The following ZC3H8 variants were observed in gnomAD, a reference collection of about 807,000 sequenced individuals.
ZC3H8 encodes zinc finger CCCH-type containing 8.
A neutral mutation model predicts 42.5 loss-of-function variants in ZC3H8; 27 were observed. The ratio of observed to expected loss-of-function variants is 0.64; its 90% CI spans 0.47 to 0.88. The LOEUF (loss-of-function observed/expected upper bound fraction) is 0.88, where lower values mean the gene tolerates loss of function less well. Ranked by LOEUF, ZC3H8 falls within the 40% of genes least tolerant of loss-of-function variation. The pLI is 0.00. For synonymous variants in ZC3H8, 101 were observed against 110.1 expected, an observed-to-expected ratio of 0.92 and a Z score of 0.52; for missense variants, 277 against 336.1, an observed-to-expected ratio of 0.82 and a Z score of 1.37.
chr2:112,254,621 G>A (rs1338475802), intron 1 of ZC3H8, among the ~76,000 whole-genome samples: 1 of 152,212 alleles, frequency 6.6e-6, no homozygotes, highest in Non-Finnish European at 1.5e-5. Flanking sequence ...CAGAGAAAGG[G>A]GCGCATCCCG....
intron 5 of ZC3H8, 125 bp from the exon 6 acceptor site, chr2:112,233,496 C>T (rs1016317887): frequency 1.5e-6 from 1 of 654,630 alleles, no homozygotes; most frequent in Non-Finnish European, 2.7e-6. Flanking sequence ...AGAGGTAGCA[C>T]ATTCTAACTG....
chr2:112,236,840 A>C (rs1404569804), intron 3 of ZC3H8, 145 bp from the exon 4 acceptor site: 3 of 765,460 alleles, frequency 3.9e-6, no homozygotes, highest in Non-Finnish European at 4.1e-6. Flanking sequence ...CAAAGCTAGG[A>C]GTTCAAGGCC....
chr2:112,216,712 CAA>C (rs917360892), intron 8 of ZC3H8, among the ~76,000 whole-genome samples: 32 of 142,804 alleles, frequency 2.2e-4, no homozygotes, highest in Non-Finnish European at 1.8e-4. Flanking sequence ...AATAATGAGA[CAA>C]GAGTTGACTA....
At chr2:112,250,379 G>T (rs1685905847) in intron 1 of ZC3H8, 107 bp from the exon 2 acceptor site, 2 of 665,622 alleles carry the variant, frequency 3.0e-6, no homozygotes, top group East Asian at 3.3e-5. Context: ...TACCCTCAAA[G>T]AAATTACAAA....
intron 6 of ZC3H8, 27 bp downstream of exon 6, chr2:112,233,233 G>GAA: frequency 7.0e-7 from 1 of 1,435,144 alleles, no homozygotes; most frequent in Non-Finnish European, 9.5e-7. Context: ...TATTTATAAA[G>GAA]TCACCATATC....
chr2:112,244,242 T>C (rs1044608225), intron 2 of ZC3H8, among the ~76,000 whole-genome samples: 3 of 152,132 alleles, frequency 2.0e-5, no homozygotes, highest in Non-Finnish European at 4.4e-5. Flanking sequence ...CACTGGATAG[T>C]AGAAGACAAT....
At chr2:112,235,537 T>C (rs189329875) in intron 4 of ZC3H8, among the ~76,000 whole-genome samples, 110 of 152,238 alleles carry the variant, frequency 7.2e-4, no homozygotes, top group Middle Eastern at 3.4e-3. Flanking sequence ...AGACTGTATA[T>C]AAATGTTTTT....
intron 8 of ZC3H8, among the ~76,000 whole-genome samples, chr2:112,227,755 TAAC>T (rs1684908261): frequency 6.6e-6 from 1 of 151,958 alleles, no homozygotes; most frequent in Admixed American, 6.6e-5. Flanking sequence ...ACGAATAAAT[TAAC>T]AAAAAAGTGT....
rs1376935577 is a variant in ZC3H8 at position 112,213,359 on chromosome 2, C to G, written c.*3125G>C. On this transcript the variant is annotated 3_prime_UTR_variant, in exon 9 of 9. Transcript: ENST00000409573. ...GACAATTATGCTGAAACTCAGGAAACCTATTAAAACAGGGGACAGTCATTT... is the reference window on the plus strand; with the variant it reads ...GACAATTATGCTGAAACTCAGGAAAGCTATTAAAACAGGGGACAGTCATTT... The G allele has an allele frequency of 6.6e-6, 1 of 151,898 alleles. No homozygotes were observed. The highest frequency in any genetic ancestry group is 6.6e-5 in the Admixed American group (1 of 15,252). 9.4% of individuals were successfully genotyped at this position (151,898 alleles called of 1,614,324 possible).
In ZC3H8 at chr2:112,233,318, C is replaced by T. The variant is rs1367487643; in HGVS notation, c.675G>A (p.Met225Ile). The T allele has an allele frequency of 6.2e-7, 1 of 1,601,236 alleles. No individual in the cohort carries two copies. Among genetic ancestry groups the T allele is most frequent in the Admixed American group, 1.7e-5 (1 of 57,766 alleles). ...HDAEIEKKKE[M>I]CKFYVQGYCT... Reference sequence around the variant, plus strand: ...AATATCCTTGTACATAAAACTTACACATTTCCTTTTTCTTTTCTATCTCTG... The same window carrying T: ...AATATCCTTGTACATAAAACTTACATATTTCCTTTTTCTTTTCTATCTCTG... The change falls in exon 6 of 9, where the codon ATG becomes ATA. Residue 225 changes from methionine (M) to isoleucine (I), a missense_variant. Transcript: ENST00000409573.
intron 3 of ZC3H8, 76 bp downstream of exon 3, chr2:112,238,239 A>C (rs1390711523): frequency 7.1e-7 from 1 of 1,417,986 alleles, no homozygotes; most frequent in Non-Finnish European, 9.6e-7. Flanking sequence ...GCAAAGAAAA[A>C]TCCTCTGTCC....
chr2:112,240,477 A>G lies in ZC3H8; in HGVS notation c.157-1949T>C, dbSNP rs544355540. 3 of 152,318 alleles carry G rather than the reference A, an allele frequency of 2.0e-5. No homozygotes were observed. The South Asian group carries it at 6.2e-4, about 32-fold the overall frequency. 9.4% of individuals were successfully genotyped at this position (152,318 alleles called of 1,614,324 possible). A position where few individuals can be genotyped will look rare whatever the true frequency, so the allele number is the denominator to read the frequency against. ...GCTTAATCAAATACATAGAGGTGAGATTTTCTTCAGTGCATCTGAATCAAA... is the reference window on the plus strand; with the variant it reads ...GCTTAATCAAATACATAGAGGTGAGGTTTTCTTCAGTGCATCTGAATCAAA... On this transcript the variant is annotated intron_variant, in intron 2 of 8. Coordinates refer to ENST00000409573, the MANE Select transcript of ZC3H8 (RefSeq NM_032494.3).
At position 112,254,142 on chromosome 2, in the gene ZC3H8, G is replaced by C. The variant is rs922308171; in HGVS notation, c.74+766C>G. ...CAGTTAAGGTAAAATTTGAGATAGA[G>C]TGAACAGCTGACCAATATCGAATGG... On this transcript the variant is annotated intron_variant, in intron 1 of 8. Transcript: ENST00000409573. The C allele has an allele frequency of 2.9e-5, 29 of 985,236 alleles. No individual in the cohort carries two copies. In the African/African-American group the frequency reaches 4.5e-4, roughly 15 times the overall value. The allele number at this position is 985,236 out of a possible 1,614,324, so 61.0% of individuals were successfully genotyped here.
chr2:112,219,091 G>C (rs773094790), intron 8 of ZC3H8, among the ~76,000 whole-genome samples: 1 of 151,996 alleles, frequency 6.6e-6, no homozygotes, highest in Non-Finnish European at 1.5e-5. Context: ...TCCAGAAATA[G>C]AAAAATCTGT....
intron 8 of ZC3H8, among the ~76,000 whole-genome samples, chr2:112,229,078 T>C (rs763904912): frequency 1.5e-4 from 23 of 152,168 alleles, no homozygotes; most frequent in Non-Finnish European, 2.8e-4. Flanking sequence ...AGATAGTATA[T>C]ACTGGAGAAA....
intron 1 of ZC3H8, among the ~76,000 whole-genome samples, chr2:112,254,635 C>A (rs1301604372): frequency 1.3e-5 from 2 of 152,370 alleles, no homozygotes; most frequent in East Asian, 3.9e-4. Flanking sequence ...CATCCCGGAG[C>A]CTTCTCGCCT....
chr2:112,231,454 T>C (rs1244045788), intron 7 of ZC3H8, among the ~76,000 whole-genome samples: 1 of 152,230 alleles, frequency 6.6e-6, no homozygotes, highest in East Asian at 1.9e-4. Flanking sequence ...AAATTACTAC[T>C]TAACTATTAT....
intron 2 of ZC3H8, among the ~76,000 whole-genome samples, chr2:112,242,688 C>A (rs1362627043): frequency 6.6e-6 from 1 of 152,128 alleles, no homozygotes; most frequent in Non-Finnish European, 1.5e-5. Flanking sequence ...TAAAAGAAAA[C>A]AATGTATGTT....
intron 4 of ZC3H8, among the ~76,000 whole-genome samples, chr2:112,235,820 G>A (rs1685293095): frequency 6.6e-6 from 1 of 151,776 alleles, no homozygotes; most frequent in Non-Finnish European, 1.5e-5. Flanking sequence ...AGGGAGCCAG[G>A]ATGAGGGACT....
Sources: allele counts gnomAD v4.1 joint callset (sites outside exome capture counted in the v4.1 genomes callset), GRCh38; gene constraint gnomAD v4.1.1; transcripts MANE v1.5; gene names NCBI Gene and HGNC (gene_info 2026-07-23, HGNC 2026-07-21).